Variants in EDIL3 observed in about 807,000 individuals in gnomAD.
EDIL3 encodes the protein EGF-like repeat and discoidin I-like domain-containing protein 3.
In EDIL3, 37 loss-of-function variants were observed where a neutral mutation model predicts 67.4. The observed-to-expected ratio is 0.55, with a 90% confidence interval of 0.42 to 0.72. The LOEUF (loss-of-function observed/expected upper bound fraction) is 0.72. Among genes scored for constraint, EDIL3 ranks in the 30% least tolerant of loss-of-function variants. EDIL3 has a pLI of 0.00. For synonymous variants in EDIL3, 195 were observed against 196.3 expected (o/e 0.99, Z 0.05); for missense variants, 527 against 586.3 (o/e 0.90, Z 1.04).
intron 9 of EDIL3, among the ~76,000 whole-genome samples, chr5:84,038,362 A>C (rs1746060958): frequency 6.6e-6 from 1 of 152,010 alleles, no homozygotes; most frequent in Admixed American, 6.6e-5. Context: ...TTTTGTCATA[A>C]ATTATGGTGT....
intron 1 of EDIL3, among the ~76,000 whole-genome samples, chr5:84,301,917 A>G (rs528020521): frequency 2.0e-5 from 3 of 152,190 alleles, no homozygotes; most frequent in Non-Finnish European, 4.4e-5. Context: ...GAACTTCCAG[A>G]GTTTTCATCA....
At chr5:84,186,846 AAGAT>A (rs1320196490) in intron 3 of EDIL3, among the ~76,000 whole-genome samples, 1 of 152,124 alleles carries the variant, frequency 6.6e-6, no homozygotes, top group African/African-American at 2.4e-5. Context: ...GTAAAACAAA[AAGAT>A]AGAAGACAAG....
intron 1 of EDIL3, among the ~76,000 whole-genome samples, chr5:84,377,545 CT>C (rs2112220002): frequency 6.6e-6 from 1 of 152,260 alleles, no homozygotes; most frequent in South Asian, 2.1e-4. Flanking sequence ...AATGGTTCCC[CT>C]GACCTAAAAT....
At chr5:83,951,935 G>T (rs1744429999) in intron 10 of EDIL3, among the ~76,000 whole-genome samples, 1 of 151,722 alleles carries the variant, frequency 6.6e-6, no homozygotes, top group South Asian at 2.1e-4. Context: ...CAATACTTGT[G>T]ATTCCCTAGT....
At chr5:84,219,831 G>A (rs557083328) in intron 3 of EDIL3, among the ~76,000 whole-genome samples, 18 of 152,248 alleles carry the variant, frequency 1.2e-4, no homozygotes, top group African/African-American at 4.3e-4. Context: ...TGGAGCTGGA[G>A]ATCATTATGT....
chr5:84,279,863 A>C (rs1745662064), intron 1 of EDIL3, among the ~76,000 whole-genome samples: 2 of 152,154 alleles, frequency 1.3e-5, no homozygotes, highest in African/African-American at 4.8e-5. Context: ...TCTGTACTAA[A>C]ATAAGCATTC....
At chr5:84,229,190 T>G (rs1332015334) in intron 3 of EDIL3, among the ~76,000 whole-genome samples, 1 of 152,148 alleles carries the variant, frequency 6.6e-6, no homozygotes, top group East Asian at 1.9e-4. Context: ...CTGACCTCTC[T>G]CACTGTCCTG....
In EDIL3 at chr5:84,311,690, T is replaced by G. The variant is rs543815049; in HGVS notation, c.68-57478A>C. The stretch of plus-strand genomic sequence containing the variant: ...TGAACAAAGGTCTCTGGTTTTCCTA[T>G]GCAGAGGACCCTGCGGCCTTCCGCA... On this transcript the variant is annotated intron_variant, in intron 1 of 10. Transcript: ENST00000296591. Among the ~76,000 whole-genome samples, 76 of 152,226 alleles carry G rather than the reference T, an allele frequency of 5.0e-4. 1 individual carries two copies. The East Asian group carries it at 0.013, about 26-fold the overall frequency.
intron 5 of EDIL3, among the ~76,000 whole-genome samples, chr5:84,111,675 AAG>A (rs937050309): frequency 6.6e-6 from 1 of 152,140 alleles, no homozygotes; most frequent in African/African-American, 2.4e-5. Flanking sequence ...GAAGGAAAAA[AAG>A]AAGGGTGAAT....
chr5:84,034,880 G>A (rs1013320450), intron 9 of EDIL3, among the ~76,000 whole-genome samples: 6 of 152,154 alleles, frequency 3.9e-5, no homozygotes, highest in Non-Finnish European at 5.9e-5. Flanking sequence ...GGCTGGCCAT[G>A]TCACTGATAT....
chr5:84,142,616 G>C (rs1306659883), intron 4 of EDIL3, among the ~76,000 whole-genome samples: 1 of 151,834 alleles, frequency 6.6e-6, no homozygotes, highest in Admixed American at 6.6e-5. Flanking sequence ...ACCACCATTT[G>C]GACCAGGACA....
intron 1 of EDIL3, among the ~76,000 whole-genome samples, chr5:84,352,049 TA>T (rs1442493791): frequency 6.6e-6 from 1 of 152,064 alleles, no homozygotes; most frequent in Non-Finnish European, 1.5e-5. Context: ...TCAATATCAC[TA>T]ATCAACAGAG....
intron 1 of EDIL3, among the ~76,000 whole-genome samples, chr5:84,255,318 A>T (rs1745105378): frequency 6.6e-6 from 1 of 152,202 alleles, no homozygotes; most frequent in Non-Finnish European, 1.5e-5. Context: ...ATTCAGGTGG[A>T]GCCTGAAAGA....
At chr5:84,088,797 A>G (rs1747115729) in intron 6 of EDIL3, among the ~76,000 whole-genome samples, 1 of 152,208 alleles carries the variant, frequency 6.6e-6, no homozygotes, top group South Asian at 2.1e-4. Flanking sequence ...TACCAAGTAC[A>G]CTAGCATTAG....
intron 3 of EDIL3, among the ~76,000 whole-genome samples, chr5:84,195,935 T>A (rs180869): frequency 0.6 from 91,219 of 151,664 alleles, 27,639 homozygotes; most frequent in East Asian, 0.76. Flanking sequence ...AGGAGCTACC[T>A]AAGCCCACCT....
intron 7 of EDIL3, among the ~76,000 whole-genome samples, chr5:84,065,939 C>A (rs1190780506): frequency 2.0e-5 from 3 of 151,678 alleles, no homozygotes; most frequent in Non-Finnish European, 4.4e-5. Flanking sequence ...CACGGTGAAA[C>A]CCCATCTCTA....
intron 4 of EDIL3, among the ~76,000 whole-genome samples, chr5:84,167,089 G>A (rs1379752080): frequency 2.6e-5 from 4 of 152,228 alleles, no homozygotes; most frequent in South Asian, 2.1e-4. Context: ...TTATTACTAC[G>A]TATATTTGAA....
intron 4 of EDIL3, among the ~76,000 whole-genome samples, chr5:84,155,288 C>T (rs1243022963): frequency 6.6e-6 from 1 of 152,158 alleles, no homozygotes; most frequent in Non-Finnish European, 1.5e-5. Flanking sequence ...GTTAAAGGTA[C>T]ATTAATTTTT....
intron 3 of EDIL3, among the ~76,000 whole-genome samples, chr5:84,212,518 T>C (rs1259517887): frequency 1.6e-4 from 24 of 152,204 alleles, no homozygotes; most frequent in Admixed American, 1.6e-3. Flanking sequence ...ATGGAATCCT[T>C]CCCAGTCACT....
Sources: gnomAD v4.1 joint callset for allele counts (sites outside exome capture counted in the v4.1 genomes callset) on GRCh38, gnomAD v4.1.1 for gene constraint, MANE v1.5 for transcripts, NCBI Gene and HGNC (gene_info 2026-07-23, HGNC 2026-07-21) for gene names.